CECR2: variants seen among roughly 807,000 people sequenced by gnomAD.
CECR2 encodes the protein chromatin remodeling regulator CECR2.
In CECR2, 30 loss-of-function variants were observed where a neutral mutation model predicts 154.5. That is an observed-to-expected ratio of 0.19 (90% CI 0.15 to 0.26). The LOEUF is 0.26. Among genes scored for constraint, CECR2 ranks in the 10% least tolerant of loss-of-function variants. The pLI is 1.00. For missense variants in CECR2, 1,743 were observed against 1,829.3 expected, an observed-to-expected ratio of 0.95 and a Z score of 0.86; for synonymous variants, 725 against 683.7, an observed-to-expected ratio of 1.06 and a Z score of -0.94.
chr22:17,529,056 T>C (rs185434410), intron 9 of CECR2, among the ~76,000 whole-genome samples: 1 of 152,040 alleles, frequency 6.6e-6, no homozygotes, highest in African/African-American at 2.4e-5. Context: ...TGATTTCCCC[T>C]GCTGAACACA....
Position 17,549,333 on chromosome 22 carries a change from A to G in CECR2, c.4046A>G (p.Tyr1349Cys), listed in dbSNP as rs373901873. ...GTGATGCTGCAGACGGGGCCTCCCT[A>G]TACCCCTCAGCGGCCGGCCAGTCAC... Reference protein sequence around the residue: ...HSVMLQTGPPYTPQRPASHFQ... With the variant: ...HSVMLQTGPPCTPQRPASHFQ... Residue 1349 changes from tyrosine to cysteine, a missense_variant, in exon 17 of 19, where the codon TAT (tyrosine) becomes TGT (cysteine). Around this residue, in one of 4 missense-constraint regions of CECR2, gnomAD observed 1,250 missense variants for 1,192.1 expected, o/e 1.05. Transcript: ENST00000262608. The G allele has an allele frequency of 3.9e-5, 63 of 1,613,768 alleles. No homozygotes were observed. Among genetic ancestry groups the G allele is most frequent in the South Asian group, 2.0e-4 (18 of 91,074 alleles).
At chr22:17,399,416 ATT>A (rs67470861) in intron 1 of CECR2, among the ~76,000 whole-genome samples, 6,968 of 126,276 alleles carry the variant, frequency 0.055, 537 homozygotes, top group African/African-American at 0.18. Context: ...AGTAATGGTG[ATT>A]TTTTTTTTTT....
intron 14 of CECR2, among the ~76,000 whole-genome samples, chr22:17,541,125 T>C (rs781266445): frequency 3.3e-5 from 5 of 152,150 alleles, no homozygotes; most frequent in African/African-American, 1.2e-4. Context: ...ATCACTTGAA[T>C]TAGGTATTCT....
Position 17,549,185 on chromosome 22 carries a change from G to A in CECR2, c.3898G>A (p.Asp1300Asn). 3.7e-6 allele frequency: 6 copies of A among 1,613,998 alleles called. No homozygotes were observed. The highest frequency in any genetic ancestry group is 5.1e-6 in the Non-Finnish European group (6 of 1,179,892). The change falls in exon 17 of 19, where the codon GAC becomes AAC. Residue 1300 changes from aspartate to asparagine, a missense_variant. Asp to Asn is a conservative substitution (Grantham distance 23). Coordinates refer to ENST00000262608, the MANE Select transcript of CECR2 (RefSeq NM_001290047.2). The stretch of plus-strand genomic sequence containing the variant: ...GAGTCCCAAAGAATTTTTAGACCTG[G>A]ACAACCATAACGCAGCTACCAAGCG... ...PESPKEFLDL[D>N]NHNAATKRQS...
chr22:17,532,740 T>C (rs1478279299), intron 9 of CECR2, among the ~76,000 whole-genome samples: 2 of 114,168 alleles, frequency 1.8e-5, no homozygotes, highest in Non-Finnish European at 3.4e-5. Flanking sequence ...TTTTTTGAGA[T>C]GGAGTCTCAC....
In CECR2 at chr22:17,399,972, A is replaced by G. The variant is rs2053867893; in HGVS notation, c.126+30063A>G. ...TCACATGATATGGTTTTTCATTATT[A>G]TGCTTATTGTAATTCTGCAGTTAGC... On this transcript the variant is annotated intron_variant, in intron 1 of 18. Transcript: ENST00000262608. 3.3e-5 allele frequency among the ~76,000 whole-genome samples: 5 copies of G among 152,182 alleles called. No individual in the cohort carries two copies. The South Asian group carries it at 8.3e-4, about 25-fold the overall frequency.
intron 17 of CECR2, 26 bp downstream of exon 17, chr22:17,549,590 C>G (rs757740781): frequency 4.0e-6 from 6 of 1,490,694 alleles, no homozygotes; most frequent in East Asian, 2.4e-5. Context: ...GGCTTTTCCC[C>G]CTAAAGAGAG....
At chr22:17,414,319 G>A (rs1257395933) in intron 1 of CECR2, among the ~76,000 whole-genome samples, 2 of 152,214 alleles carry the variant, frequency 1.3e-5, no homozygotes, top group Non-Finnish European at 2.9e-5. Context: ...CAGATTCTCA[G>A]TGTTGACAGA....
intron 3 of CECR2, among the ~76,000 whole-genome samples, chr22:17,498,424 G>GTGTGGGTTAT (rs2055672943): frequency 6.6e-6 from 1 of 151,966 alleles, no homozygotes; most frequent in East Asian, 1.9e-4. Context: ...TCAAGGGAGA[G>GTGTGGGTTAT]TGTGGGTTAT....
chr22:17,420,490 A>G (rs1303597165), intron 1 of CECR2, among the ~76,000 whole-genome samples: 2 of 152,004 alleles, frequency 1.3e-5, no homozygotes, highest in African/African-American at 2.4e-5. Flanking sequence ...TTTACCCACC[A>G]CTCATTCAAT....
upstream of CECR2, among the ~76,000 whole-genome samples, chr22:17,366,481 C>T (rs866197516): frequency 1.3e-5 from 2 of 152,254 alleles, no homozygotes; most frequent in Middle Eastern, 3.4e-3. Context: ...CCTACCGCCC[C>T]GGCAAACTGT....
intron 1 of CECR2, among the ~76,000 whole-genome samples, chr22:17,467,513 G>T (rs2055053171): frequency 6.6e-6 from 1 of 152,120 alleles, no homozygotes; most frequent in Admixed American, 6.5e-5. Flanking sequence ...CCCGGGTGCG[G>T]TGGCTCACAC....
intron 1 of CECR2, among the ~76,000 whole-genome samples, chr22:17,439,919 G>A (rs1389596566): frequency 2.0e-5 from 3 of 151,738 alleles, no homozygotes; most frequent in African/African-American, 7.3e-5. Context: ...AGAATGAAAT[G>A]GACCTACACT....
intron 1 of CECR2, 102 bp downstream of exon 1, chr22:17,370,011 G>C (rs2146432316): frequency 6.6e-6 from 1 of 151,502 alleles, no homozygotes; most frequent in South Asian, 2.1e-4. Flanking sequence ...GGGGCCCGAG[G>C]GACTTCGGCC....
chr22:17,538,789 GTTGT>G lies in CECR2; in HGVS notation c.1368+68_1368+71del, dbSNP rs1261725146. On this transcript the variant is annotated intron_variant, in intron 12 of 18. Transcript: ENST00000262608. The stretch of plus-strand genomic sequence containing the variant: ...AGTGTGTATATCTTTCTTGGGTTTT[GTTGT>G]TTGTTTGTTGTTAAATATATATATA... 2.0e-6 allele frequency: 3 copies of G among 1,473,310 alleles called. No homozygotes were observed. The East Asian group carries it at 6.8e-5, about 33-fold the overall frequency. The allele number at this position is 1,473,310 out of a possible 1,614,324, so 91.3% of individuals were successfully genotyped here.
At chr22:17,493,815 C>T (rs1337196249) in intron 2 of CECR2, among the ~76,000 whole-genome samples, 1 of 152,248 alleles carries the variant, frequency 6.6e-6, no homozygotes, top group Non-Finnish European at 1.5e-5. Context: ...ACTTTCTCAA[C>T]CTCACATTGG....
chr22:17,405,678 T>G (rs1476505173), intron 1 of CECR2, among the ~76,000 whole-genome samples: 1 of 151,348 alleles, frequency 6.6e-6, no homozygotes, highest in African/African-American at 2.4e-5. Context: ...TTTCAATTGT[T>G]TGCTAGTATT....
Position 17,538,737 on chromosome 22 carries a change from A to C in CECR2, c.1368+6A>C. 3 of 1,611,566 alleles carry C rather than the reference A, an allele frequency of 1.9e-6. No individual in the cohort carries two copies. Among genetic ancestry groups the C allele is most frequent in the Non-Finnish European group, 2.5e-6 (3 of 1,177,880 alleles). The stretch of plus-strand genomic sequence containing the variant: ...ACTATTATCAGATTATTAAGGTAGA[A>C]GTTGTCTTTGCAGTAATGCCTACTA... On this transcript the variant is annotated splice_donor_region_variant and intron_variant, in intron 12 of 18. Transcript: ENST00000262608.
intron 1 of CECR2, among the ~76,000 whole-genome samples, chr22:17,397,422 G>A (rs2053828297): frequency 6.6e-6 from 1 of 152,128 alleles, no homozygotes; most frequent in Non-Finnish European, 1.5e-5. Flanking sequence ...ATGAGCCACT[G>A]CATCCAGCCT....
Sources: allele counts gnomAD v4.1 joint callset (sites outside exome capture counted in the v4.1 genomes callset), GRCh38; gene constraint gnomAD v4.1.1; regional missense constraint gnomAD v4.1.1; transcripts MANE v1.5; gene names NCBI Gene and HGNC (gene_info 2026-07-23, HGNC 2026-07-21).